The following CP variants were observed in gnomAD, a reference collection of about 807,000 sequenced individuals.
CP encodes ceruloplasmin, also known as caeruloplasmin.
Under a neutral mutation model 122.4 loss-of-function variants are expected in CP, and 64 were observed. That is an observed-to-expected ratio of 0.52 (90% CI 0.43 to 0.64). CP has a LOEUF of 0.64. CP is among the 30% of genes least tolerant of loss of function. The pLI is 0.00. For synonymous variants in CP, 440 were observed against 436.4 expected (o/e 1.01, Z -0.10); for missense variants, 1,167 against 1,284.4 (o/e 0.91, Z 1.40).
chr3:149,185,155 C>A (rs1414691775), intron 12 of CP, 84 bp downstream of exon 12: 21 of 1,192,972 alleles, frequency 1.8e-5, no homozygotes, highest in Admixed American at 2.3e-5. Flanking sequence ...TTTTTTTTTT[C>A]TAAAATTTGG....
Position 149,198,571 on chromosome 3 carries a change from A to G in CP, c.1509T>C (p.Pro503=), listed in dbSNP as rs1267886068. The G allele has an allele frequency of 6.2e-7, 1 of 1,613,682 alleles. No individual in the cohort carries two copies. Among genetic ancestry groups the G allele is most frequent in the African/African-American group, 1.3e-5 (1 of 74,932 alleles). The change falls in exon 9 of 19, where the codon CCT becomes CCC. Residue 503 remains proline (P), a synonymous_variant. Coordinates refer to ENST00000264613, the MANE Select transcript of CP (RefSeq NM_000096.4). ...TGGGTGCCACATGGGAGGCTGAAGG[A>G]GGCACACCTGTGAGAAAGGTCACAT... ...PNYNPQSRSV[P]PSASHVAPTE... is the part of the protein sequence containing the mutation.
chr3:149,192,520 T>C (rs1726605218), intron 9 of CP, among the ~76,000 whole-genome samples: 1 of 150,396 alleles, frequency 6.6e-6, no homozygotes, highest in African/African-American at 2.4e-5. Context: ...ATAATTTGGC[T>C]ATGTAACACT....
chr3:149,212,568 A>T lies in CP; in HGVS notation c.277T>A (p.Leu93Ile), dbSNP rs1413036812. The change falls in exon 2 of 19, where the codon TTA becomes ATA. Residue 93 changes from leucine (L) to isoleucine (I), a missense_variant. By Grantham distance (5) the Leu-to-Ile change is conservative. Coordinates refer to ENST00000264613, the MANE Select transcript of CP (RefSeq NM_000096.4). ...GTTTCAGCTTTGATAATAGGGCCTA[A>T]AAACCCAAGCCAGACCGGTTTTTCT... ...TIEKPVWLGF[L>I]GPIIKAETGD... 6.2e-7 allele frequency: 1 copy of T among 1,614,044 alleles called. No homozygotes were observed. Among genetic ancestry groups the T allele is most frequent in the Non-Finnish European group, 8.5e-7 (1 of 1,179,980 alleles).
chr3:149,162,835 G>A, exon 6 of CP: 1 of 1,614,046 alleles, frequency 6.2e-7, no homozygotes, highest in South Asian at 1.1e-5. Flanking sequence ...TTGTCTAAGA[G>A]GCAGCCTCCT....
intron 10 of CP, among the ~76,000 whole-genome samples, chr3:149,187,516 T>C (rs1256907643): frequency 2.0e-5 from 3 of 152,234 alleles, no homozygotes; most frequent in African/African-American, 7.2e-5. Context: ...TCCAGGGCAC[T>C]GGTCATTTTT....
At chr3:149,194,812 G>A (rs1455459664) in intron 9 of CP, among the ~76,000 whole-genome samples, 1 of 152,060 alleles carries the variant, frequency 6.6e-6, no homozygotes. Flanking sequence ...TCTGGATCTA[G>A]ATAAGTTTTT....
chr3:149,166,685 G>T (rs1221171183), intron 4 of CP, among the ~76,000 whole-genome samples: 5 of 152,130 alleles, frequency 3.3e-5, no homozygotes, highest in African/African-American at 1.2e-4. Flanking sequence ...TACTCTTGCG[G>T]TGAACATCAT....
chr3:149,195,479 C>T (rs761178032), intron 9 of CP, among the ~76,000 whole-genome samples: 1 of 152,174 alleles, frequency 6.6e-6, no homozygotes, highest in African/African-American at 2.4e-5. Flanking sequence ...CATGTCCACA[C>T]ATCAGAGTAA....
At chr3:149,177,626 G>C (rs956998972) in intron 17 of CP, among the ~76,000 whole-genome samples, 1 of 152,134 alleles carries the variant, frequency 6.6e-6, no homozygotes, top group Admixed American at 6.5e-5. Flanking sequence ...CAGTGCAGCA[G>C]ATCCAAGTTT....
chr3:149,185,101 TTTG>T lies in CP; in HGVS notation c.2285+135_2285+137del, dbSNP rs141521527. 61,940 of 720,704 alleles carry T rather than the reference TTTG, an allele frequency of 0.086. 4,893 individuals are homozygous for T. The highest frequency in any genetic ancestry group is 0.35 in the African/African-American group (19,477 of 56,068). The allele number at this position is 720,704 out of a possible 1,614,324, so 44.6% of individuals were successfully genotyped here. A position where few individuals can be genotyped will look rare whatever the true frequency, so the allele number is the denominator to read the frequency against. The stretch of plus-strand genomic sequence containing the variant: ...ATAAGGACAAGTTCCTAGGAAGTGT[TTTG>T]TTGTTGTTGTTGTTGTTGTTGTTAT... On this transcript the variant is annotated intron_variant, in intron 12 of 18. Transcript: ENST00000264613.
intron 17 of CP, chr3:149,176,759 A>G: frequency 4.3e-6 from 1 of 234,976 alleles, no homozygotes; most frequent in South Asian, 6.0e-5. Flanking sequence ...CCCTAGCCTC[A>G]CTTTTGCCTG....
At chr3:149,206,398 C>T in intron 5 of CP, 59 bp from the exon 6 acceptor site, 1 of 1,589,234 alleles carries the variant, frequency 6.3e-7, no homozygotes, top group Non-Finnish European at 8.6e-7. Flanking sequence ...TCTCCTATTG[C>T]CCTGTAAACA....
chr3:149,220,177 C>T (rs1046898759), intron 1 of CP, among the ~76,000 whole-genome samples: 1 of 152,160 alleles, frequency 6.6e-6, no homozygotes, highest in Non-Finnish European at 1.5e-5. Context: ...CTCTTCTACT[C>T]CCTGATTTTT....
intron 1 of CP, among the ~76,000 whole-genome samples, chr3:149,217,643 T>G (rs1728553801): frequency 6.6e-6 from 1 of 152,240 alleles, no homozygotes; most frequent in Non-Finnish European, 1.5e-5. Flanking sequence ...ATAAACTTGT[T>G]AAACTTTCAA....
chr3:149,176,198 T>C (rs1460393556), intron 18 of CP, 52 bp downstream of exon 18: 1 of 1,556,244 alleles, frequency 6.4e-7, no homozygotes, highest in Non-Finnish European at 8.9e-7. Context: ...AAGTAGTTCC[T>C]TTAGTTATAT....
intron 14 of CP, among the ~76,000 whole-genome samples, chr3:149,180,844 G>A (rs1332840870): frequency 6.6e-6 from 1 of 152,056 alleles, no homozygotes; most frequent in Non-Finnish European, 1.5e-5. Context: ...TCTTCCACCA[G>A]TGGTCAGTGC....
intron 4 of CP, among the ~76,000 whole-genome samples, chr3:149,208,202 A>G (rs1460976153): frequency 6.6e-6 from 1 of 152,118 alleles, no homozygotes; most frequent in Non-Finnish European, 1.5e-5. Flanking sequence ...CTAAAAGTTC[A>G]TAGGCAAGGT....
downstream of CP, among the ~76,000 whole-genome samples, chr3:149,170,908 C>A (rs891531655): frequency 9.9e-5 from 15 of 152,206 alleles, no homozygotes; most frequent in African/African-American, 3.6e-4. Context: ...CGGGAGAGGG[C>A]AGCATGTATC....
intron 2 of CP, 26 bp from the exon 3 acceptor site, chr3:149,210,405 G>A (rs1230632280): frequency 4.4e-6 from 7 of 1,593,052 alleles, no homozygotes; most frequent in Non-Finnish European, 6.0e-6. Flanking sequence ...CAATGAAGGT[G>A]CAAAGTGAAT....
Sources: gnomAD v4.1 joint callset for allele counts (sites outside exome capture counted in the v4.1 genomes callset) on GRCh38, gnomAD v4.1.1 for gene constraint, MANE v1.5 for transcripts, NCBI Gene and HGNC (gene_info 2026-07-23, HGNC 2026-07-21) for gene names.